ADGRB3: variants seen among roughly 807,000 people sequenced by gnomAD.
The protein encoded by ADGRB3 is adhesion G protein-coupled receptor B3, also known as brain-specific angiogenesis inhibitor 3.
A neutral mutation model predicts 193.4 loss-of-function variants in ADGRB3; 37 were observed. The observed-to-expected ratio is 0.19, with a 90% CI of 0.15 to 0.25. The LOEUF (loss-of-function observed/expected upper bound fraction) is 0.25, where lower values mean the gene tolerates loss of function less well. Among genes scored for constraint, ADGRB3 ranks in the 10% least tolerant of loss-of-function variants. The pLI is 1.00. For missense variants in ADGRB3, 1,637 were observed against 1,852.9 expected (o/e 0.88, Z 2.14); for synonymous variants, 690 against 644.2 (o/e 1.07, Z -1.08).
At chr6:69,383,940 G>A (rs1341942190) in intron 31 of ADGRB3, among the ~76,000 whole-genome samples, 1 of 151,914 alleles carries the variant, frequency 6.6e-6, no homozygotes, top group Non-Finnish European at 1.5e-5. Context: ...TAAAGTAGAT[G>A]ACGTTTGGTC....
intron 3 of ADGRB3, among the ~76,000 whole-genome samples, chr6:68,800,960 G>A (rs906675189): frequency 6.6e-6 from 1 of 152,108 alleles, no homozygotes; most frequent in Non-Finnish European, 1.5e-5. Context: ...AGCTTTGCTT[G>A]TACCTTATAA....
At chr6:69,108,024 C>A (rs1047507861) in intron 17 of ADGRB3, among the ~76,000 whole-genome samples, 1 of 151,026 alleles carries the variant, frequency 6.6e-6, no homozygotes, top group Non-Finnish European at 1.5e-5. Flanking sequence ...CATGTCCCCA[C>A]CTTCCGAATC....
intron 17 of ADGRB3, among the ~76,000 whole-genome samples, chr6:69,220,614 C>T (rs1469945086): frequency 6.6e-6 from 1 of 152,098 alleles, no homozygotes; most frequent in South Asian, 2.1e-4. Flanking sequence ...ATTCTCTGAG[C>T]TCAACAGATT....
chr6:68,981,845 G>GTTATTTATTTATTTATTTAT (rs3043275), intron 10 of ADGRB3, among the ~76,000 whole-genome samples: 1 of 139,662 alleles, frequency 7.2e-6, no homozygotes, highest in Non-Finnish European at 1.6e-5. Flanking sequence ...TACCTATTTT[G>GTTATTTATTTATTTATTTAT]TTATTTATTT....
chr6:69,379,306 A>T (rs1278593559), intron 30 of ADGRB3, among the ~76,000 whole-genome samples: 1 of 151,980 alleles, frequency 6.6e-6, no homozygotes, highest in East Asian at 1.9e-4. Context: ...TAATTTCTTT[A>T]AAAAACGGGT....
intron 26 of ADGRB3, among the ~76,000 whole-genome samples, chr6:69,348,384 C>T (rs1318654764): frequency 3.3e-5 from 5 of 151,846 alleles, no homozygotes; most frequent in Non-Finnish European, 5.9e-5. Flanking sequence ...CAGTGGCTCA[C>T]GCCTGCAATC....
At chr6:69,293,821 G>C (rs1449803147) in intron 20 of ADGRB3, among the ~76,000 whole-genome samples, 1 of 152,092 alleles carries the variant, frequency 6.6e-6, no homozygotes, top group Non-Finnish European at 1.5e-5. Context: ...GCACAGTCTG[G>C]AAGGGGGTGG....
intron 3 of ADGRB3, among the ~76,000 whole-genome samples, chr6:68,842,990 CAT>C (rs751809954): frequency 5.1e-4 from 75 of 147,654 alleles, no homozygotes; most frequent in Non-Finnish European, 9.5e-4. Flanking sequence ...TGGTAAAAAA[CAT>C]AAAAAAAGCT....
At chr6:68,829,923 A>T (rs1312476270) in intron 3 of ADGRB3, among the ~76,000 whole-genome samples, 4 of 152,302 alleles carry the variant, frequency 2.6e-5, no homozygotes, top group Non-Finnish European at 4.4e-5. Flanking sequence ...ACATAATGAT[A>T]AAAATGAGTG....
chr6:69,143,589 C>T (rs1482456343), intron 17 of ADGRB3, among the ~76,000 whole-genome samples: 4 of 152,240 alleles, frequency 2.6e-5, no homozygotes, highest in African/African-American at 9.6e-5. Flanking sequence ...TAGTTTCATT[C>T]TTCTGCATAT....
At chr6:69,231,926 C>T (rs1251259763) in intron 17 of ADGRB3, among the ~76,000 whole-genome samples, 2 of 152,106 alleles carry the variant, frequency 1.3e-5, no homozygotes, top group Non-Finnish European at 2.9e-5. Context: ...GAATTATATT[C>T]TGTAGCTCAA....
intron 17 of ADGRB3, among the ~76,000 whole-genome samples, chr6:69,130,514 T>C (rs1773978083): frequency 6.7e-6 from 1 of 149,916 alleles, no homozygotes; most frequent in Non-Finnish European, 1.5e-5. Context: ...TTGACTAAAG[T>C]AGATTTGGAA....
At chr6:69,012,194 A>G (rs1161059503) in intron 11 of ADGRB3, among the ~76,000 whole-genome samples, 3 of 151,992 alleles carry the variant, frequency 2.0e-5, no homozygotes, top group Non-Finnish European at 4.4e-5. Flanking sequence ...TGCTTTGTGA[A>G]ATGTTTTTTT....
intron 10 of ADGRB3, among the ~76,000 whole-genome samples, chr6:68,976,837 G>A (rs1181449766): frequency 1.3e-5 from 2 of 151,962 alleles, no homozygotes; most frequent in Non-Finnish European, 2.9e-5. Flanking sequence ...GTTCAAACCT[G>A]TGTTGTTCAA....
intron 3 of ADGRB3, among the ~76,000 whole-genome samples, chr6:68,671,188 T>C (rs1768948315): frequency 6.6e-6 from 1 of 152,044 alleles, no homozygotes; most frequent in Non-Finnish European, 1.5e-5. Context: ...TATAAGATTA[T>C]ATCATCTGTA....
intron 15 of ADGRB3, among the ~76,000 whole-genome samples, chr6:69,060,118 A>G (rs991579296): frequency 2.0e-5 from 3 of 152,116 alleles, no homozygotes; most frequent in African/African-American, 7.2e-5. Flanking sequence ...ACTGATATGC[A>G]TGAATAAATT....
chr6:68,994,312 G>T (rs939789909), intron 11 of ADGRB3, among the ~76,000 whole-genome samples: 1 of 152,140 alleles, frequency 6.6e-6, no homozygotes, highest in Admixed American at 6.6e-5. Context: ...TATTAAAAAT[G>T]CATTAAGCAT....
chr6:68,998,521 G>A (rs1769461911), intron 11 of ADGRB3, among the ~76,000 whole-genome samples: 1 of 152,170 alleles, frequency 6.6e-6, no homozygotes, highest in African/African-American at 2.4e-5. Flanking sequence ...AATGGGCACA[G>A]TTACTTCAGT....
rs1365400648 is a variant in ADGRB3, at chr6:68,635,309, CAG to C, written c.-876_-875del. On this transcript the variant is annotated 5_prime_UTR_variant, in exon 1 of 32. Transcript: ENST00000370598. ...TGCGCGCCGGCGCGCACACCCGAGA[CAG>C]AGCTTTACTATCTCGCTCCCTCTCG... 2.0e-5 allele frequency: 3 copies of C among 151,386 alleles called. No individual in the cohort carries two copies. The highest frequency in any genetic ancestry group is 1.3e-4 in the Admixed American group (2 of 15,230). The allele number at this position is 151,386 out of a possible 1,614,324, so 9.4% of individuals were successfully genotyped here.
Sources: gnomAD v4.1 joint callset for allele counts (sites outside exome capture counted in the v4.1 genomes callset) on GRCh38, gnomAD v4.1.1 for gene constraint, MANE v1.5 for transcripts, NCBI Gene and HGNC (gene_info 2026-07-23, HGNC 2026-07-21) for gene names.